HDAC2: variants seen among roughly 807,000 people sequenced by gnomAD.
The protein encoded by HDAC2 is YY1-associated factor 1.
A neutral mutation model predicts 68.5 loss-of-function variants in HDAC2; 5 were observed. That is an observed-to-expected ratio of 0.07 (90% confidence interval 0.04 to 0.15). The LOEUF is 0.15. Among genes scored for constraint, HDAC2 ranks in the 10% least tolerant of loss-of-function variants. The probability of loss-of-function intolerance (pLI) is 1.00; values close to 1 mark genes in which losing one functional copy is unlikely to be tolerated. For missense variants in HDAC2, 291 were observed against 600.8 expected (o/e 0.48, Z 5.39); for synonymous variants, 182 against 191.3 (o/e 0.95, Z 0.40).
chr6:113,971,141 A>T lies in HDAC2; in HGVS notation c.-233T>A. On this transcript the variant is annotated 5_prime_UTR_variant, in exon 1 of 14. Transcript: ENST00000519065. ...GAGGTGGCAGCGGCACCAACTCGCG[A>T]GGAGGGGGCCACCAAACCACCTCAG... 2 of 1,480,198 alleles carry T rather than the reference A, an allele frequency of 1.4e-6. No homozygotes were observed. Among genetic ancestry groups the T allele is most frequent in the African/African-American group, 1.4e-5 (1 of 70,524 alleles). The allele number at this position is 1,480,198 out of a possible 1,614,324, so 91.7% of individuals were successfully genotyped here. A position where few individuals can be genotyped will look rare whatever the true frequency, so the allele number is the denominator to read the frequency against.
intron 6 of HDAC2, among the ~76,000 whole-genome samples, chr6:113,951,506 C>T (rs1462726651): frequency 2.8e-5 from 4 of 140,918 alleles, no homozygotes; most frequent in Admixed American, 7.6e-5. Flanking sequence ...CTTGCTGTGT[C>T]GCCCAGGCTG....
intron 5 of HDAC2, among the ~76,000 whole-genome samples, chr6:113,955,314 A>T (rs1458143004): frequency 6.6e-6 from 1 of 152,030 alleles, no homozygotes; most frequent in Admixed American, 6.5e-5. Context: ...CCCAGGTTCA[A>T]GCAATTCTCC....
At chr6:113,944,165 A>G (rs1185415998) in intron 11 of HDAC2, 115 bp downstream of exon 11, 1 of 911,320 alleles carries the variant, frequency 1.1e-6, no homozygotes, top group African/African-American at 1.7e-5. Flanking sequence ...GGCAAAAATG[A>G]CAATATTAAC....
At chr6:113,967,811 T>C (rs186680562) in intron 1 of HDAC2, among the ~76,000 whole-genome samples, 34 of 152,350 alleles carry the variant, frequency 2.2e-4, no homozygotes, top group Non-Finnish European at 1.2e-4. Context: ...ATTAGCTGTA[T>C]CATTTTACAG....
At chr6:113,966,085 A>G (rs1330031098) in intron 1 of HDAC2, among the ~76,000 whole-genome samples, 1 of 152,230 alleles carries the variant, frequency 6.6e-6, no homozygotes, top group Admixed American at 6.5e-5. Flanking sequence ...GAACATTAAA[A>G]CTACAGTCAG....
At chr6:113,950,356 A>T (rs1410734051) in intron 6 of HDAC2, among the ~76,000 whole-genome samples, 1 of 151,570 alleles carries the variant, frequency 6.6e-6, no homozygotes, top group Admixed American at 6.6e-5. Flanking sequence ...CTGCAATACC[A>T]AAGGATTGGG....
At chr6:113,949,116 C>A in intron 7 of HDAC2, 29 bp from the exon 8 acceptor site, 1 of 1,603,246 alleles carries the variant, frequency 6.2e-7, no homozygotes. Flanking sequence ...ATGTTAGCAT[C>A]TCCAATAACA....
chr6:113,941,419 A>G (rs993019481), intron 13 of HDAC2, among the ~76,000 whole-genome samples: 2 of 152,134 alleles, frequency 1.3e-5, no homozygotes, highest in African/African-American at 4.8e-5. Flanking sequence ...AGAAATAAGA[A>G]CACCATGAAA....
At chr6:113,955,564 C>T (rs1344367099) in intron 5 of HDAC2, among the ~76,000 whole-genome samples, 1 of 152,028 alleles carries the variant, frequency 6.6e-6, no homozygotes, top group African/African-American at 2.4e-5. Context: ...GTTGCCCAGG[C>T]TAGAGTGTAG....
intron 3 of HDAC2, 79 bp from the exon 4 acceptor site, chr6:113,956,772 C>CA: frequency 9.6e-7 from 1 of 1,037,362 alleles, no homozygotes; most frequent in South Asian, 1.3e-5. Flanking sequence ...CTATTTCCCA[C>CA]AAATACTTTT....
chr6:113,958,490 T>C, intron 3 of HDAC2, 159 bp downstream of exon 3: 1 of 512,414 alleles, frequency 2.0e-6, no homozygotes, highest in South Asian at 2.8e-5. Context: ...ACTTTTTTCT[T>C]AAGTAGCTTT....
At position 113,934,772 on chromosome 6, in the gene HDAC2, GGGAATAGCACA is replaced by G. The variant is rs1775967148; in HGVS notation, c.*6275_*6285del. On this transcript the variant is annotated 3_prime_UTR_variant, in exon 14 of 14. Transcript: ENST00000519065. ...TACAAAAGGGTGTTTGGCATCAAAA[GGGAATAGCACA>G]GGAATTATACCTAAGTCCATTACAT... The G allele has an allele frequency of 6.6e-6, 1 of 152,142 alleles. No individual in the cohort carries two copies. The highest frequency in any genetic ancestry group is 2.4e-5 in the African/African-American group (1 of 41,436). The allele number at this position is 152,142 out of a possible 1,614,324, so 9.4% of individuals were successfully genotyped here. A position where few individuals can be genotyped will look rare whatever the true frequency, so the allele number is the denominator to read the frequency against.
At chr6:113,947,692 T>C (rs558896534) in intron 8 of HDAC2, 2 of 152,262 alleles carry the variant, frequency 1.3e-5, no homozygotes, top group South Asian at 4.1e-4. Flanking sequence ...CACATTAAGT[T>C]ACAATATGAA....
intron 8 of HDAC2, chr6:113,947,333 T>C (rs1408009212): frequency 2.0e-5 from 3 of 152,106 alleles, no homozygotes; most frequent in South Asian, 2.1e-4. Flanking sequence ...AGGAAGAACA[T>C]AGCTGATGGC....
chr6:113,943,318 A>G, intron 12 of HDAC2, 33 bp downstream of exon 12: 2 of 1,559,430 alleles, frequency 1.3e-6, no homozygotes, highest in Non-Finnish European at 1.7e-6. Flanking sequence ...AAAATTTACA[A>G]TTAAAACACA....
intron 1 of HDAC2, among the ~76,000 whole-genome samples, chr6:113,967,285 C>T (rs1192267837): frequency 6.6e-6 from 1 of 152,130 alleles, no homozygotes; most frequent in East Asian, 1.9e-4. Context: ...CCTGCCACCA[C>T]GCCTGGCTAA....
chr6:113,970,696 T>G, intron 1 of HDAC2, 161 bp downstream of exon 1: 1 of 1,363,196 alleles, frequency 7.3e-7, no homozygotes. Context: ...AGGAAGAGGG[T>G]CTCGTTCTAA....
At chr6:113,956,368 G>A (rs1776554562) in intron 4 of HDAC2, 1 of 568,274 alleles carries the variant, frequency 1.8e-6, no homozygotes, top group Admixed American at 3.3e-5. Context: ...GTGGAAAGTG[G>A]TAGTAACAAT....
Position 113,970,987 on chromosome 6 carries a change from G to A in HDAC2, c.-79C>T, listed in dbSNP as rs1216451049. 6 of 1,573,162 alleles carry A rather than the reference G, an allele frequency of 3.8e-6. No homozygotes were observed. The highest frequency in any genetic ancestry group is 5.2e-6 in the Non-Finnish European group (6 of 1,159,218). On this transcript the variant is annotated 5_prime_UTR_variant, in exon 1 of 14. Transcript: ENST00000519065. ...TGCTGCTGCCGCCGCGGCTCGGCCG[G>A]GAGAGAAAAGGGCTGAGGGAAACGT...
Sources: gnomAD v4.1 joint callset for allele counts (sites outside exome capture counted in the v4.1 genomes callset) on GRCh38, gnomAD v4.1.1 for gene constraint, MANE v1.5 for transcripts, NCBI Gene and HGNC (gene_info 2026-07-23, HGNC 2026-07-21) for gene names.